The following EYA2 variants were observed in gnomAD, a reference collection of about 807,000 sequenced individuals.
The protein encoded by EYA2 is EYA transcriptional coactivator and phosphatase 2, also known as protein phosphatase EYA2.
A neutral mutation model predicts 69.2 loss-of-function variants in EYA2; 31 were observed. The observed-to-expected ratio is 0.45, with a 90% CI of 0.34 to 0.60. EYA2 has a LOEUF of 0.60. EYA2 is among the 20% of genes least tolerant of loss of function. The pLI, the probability that EYA2 is intolerant of heterozygous loss-of-function variation, is 0.02. For missense variants in EYA2, 622 were observed against 701.2 expected, an observed-to-expected ratio of 0.89 and a Z score of 1.28; for synonymous variants, 257 against 279.4, an observed-to-expected ratio of 0.92 and a Z score of 0.80.
intron 5 of EYA2, among the ~76,000 whole-genome samples, chr20:47,033,001 C>T (rs1429643499): frequency 6.6e-6 from 1 of 152,182 alleles, no homozygotes; most frequent in African/African-American, 2.4e-5. Context: ...CAGCAGGCCT[C>T]GCCAGGTCTC....
At chr20:47,057,608 T>C (rs2030696748) in intron 5 of EYA2, among the ~76,000 whole-genome samples, 1 of 152,094 alleles carries the variant, frequency 6.6e-6, no homozygotes, top group African/African-American at 2.4e-5. Flanking sequence ...TAAGACTTTA[T>C]TAAGATGGAG....
At chr20:47,055,602 G>A (rs140503227) in intron 5 of EYA2, among the ~76,000 whole-genome samples, 1 of 152,248 alleles carries the variant, frequency 6.6e-6, no homozygotes, top group African/African-American at 2.4e-5. Context: ...ATCCTCTCCT[G>A]AATTTCACTC....
chr20:46,993,882 G>A (rs552386645), intron 2 of EYA2, among the ~76,000 whole-genome samples: 26 of 152,318 alleles, frequency 1.7e-4, no homozygotes, highest in Admixed American at 5.9e-4. Flanking sequence ...AACAAGAGCC[G>A]TATGCACAGA....
intron 1 of EYA2, among the ~76,000 whole-genome samples, chr20:46,969,226 T>TTTTG (rs973225318): frequency 6.6e-6 from 1 of 151,698 alleles, no homozygotes; most frequent in Non-Finnish European, 1.5e-5. Flanking sequence ...TTGGTTTTTT[T>TTTTG]TTTGTTTGTT....
intron 5 of EYA2, among the ~76,000 whole-genome samples, chr20:47,018,651 A>G (rs745478345): frequency 6.6e-6 from 1 of 152,208 alleles, no homozygotes; most frequent in Non-Finnish European, 1.5e-5. Context: ...CGGCAGGAAA[A>G]GGCTCACAGT....
intron 1 of EYA2, among the ~76,000 whole-genome samples, chr20:46,936,174 A>C (rs187353856): frequency 6.6e-6 from 1 of 152,146 alleles, no homozygotes; most frequent in Non-Finnish European, 1.5e-5. Context: ...GATGACATTT[A>C]AAAAAAGCCT....
chr20:47,120,651 A>C (rs1489593479), intron 9 of EYA2, among the ~76,000 whole-genome samples: 1 of 152,158 alleles, frequency 6.6e-6, no homozygotes, highest in African/African-American at 2.4e-5. Context: ...CACTTCCTGG[A>C]ACAAGTCAGT....
chr20:46,960,884 A>G (rs1371334364), intron 1 of EYA2, among the ~76,000 whole-genome samples: 3 of 152,094 alleles, frequency 2.0e-5, no homozygotes, highest in Admixed American at 6.6e-5. Flanking sequence ...GCAGCAGCAC[A>G]TCAAAGAACG....
At chr20:47,076,029 T>C (rs2031500046) in intron 7 of EYA2, among the ~76,000 whole-genome samples, 1 of 152,228 alleles carries the variant, frequency 6.6e-6, no homozygotes, top group African/African-American at 2.4e-5. Context: ...TCAAAGGACA[T>C]GATCTTATTT....
At chr20:47,060,818 C>G (rs917071505) in intron 5 of EYA2, among the ~76,000 whole-genome samples, 1 of 151,684 alleles carries the variant, frequency 6.6e-6, no homozygotes, top group African/African-American at 2.4e-5. Flanking sequence ...GAAGGGTCCA[C>G]AGCTGCTCAT....
intron 9 of EYA2, among the ~76,000 whole-genome samples, chr20:47,121,974 G>A (rs1367637893): frequency 6.6e-6 from 1 of 152,158 alleles, no homozygotes; most frequent in East Asian, 1.9e-4. Context: ...GGCCACACCT[G>A]GCCCTTAAAC....
chr20:46,921,360 C>T (rs892313100), intron 1 of EYA2, among the ~76,000 whole-genome samples: 1 of 152,254 alleles, frequency 6.6e-6, no homozygotes, highest in Admixed American at 6.5e-5. Flanking sequence ...CATTTATTTT[C>T]CTCATGTCCA....
intron 10 of EYA2, among the ~76,000 whole-genome samples, chr20:47,149,872 T>C (rs1220227471): frequency 6.6e-6 from 1 of 151,878 alleles, no homozygotes; most frequent in Non-Finnish European, 1.5e-5. Flanking sequence ...AATAAATACA[T>C]ACATACACAC....
intron 5 of EYA2, among the ~76,000 whole-genome samples, chr20:47,043,850 T>C (rs1255356001): frequency 1.3e-5 from 2 of 152,192 alleles, no homozygotes; most frequent in African/African-American, 2.4e-5. Context: ...TCCCAATCAA[T>C]GTTGAGCAGT....
intron 9 of EYA2, among the ~76,000 whole-genome samples, chr20:47,106,946 G>A (rs753004162): frequency 1.1e-4 from 16 of 152,216 alleles, no homozygotes; most frequent in South Asian, 4.2e-4. Flanking sequence ...GGAGCGAACT[G>A]GAGTAGAAGG....
chr20:47,032,809 A>G (rs942606123), intron 5 of EYA2, among the ~76,000 whole-genome samples: 1 of 152,192 alleles, frequency 6.6e-6, no homozygotes, highest in African/African-American at 2.4e-5. Flanking sequence ...TGCTTTGGCT[A>G]TCATGGTTAG....
chr20:47,097,294 T>C lies in EYA2; in HGVS notation c.888+126T>C, dbSNP rs902914699. 2 of 683,804 alleles carry C rather than the reference T, an allele frequency of 2.9e-6. 1 individual carries two copies. Among genetic ancestry groups the C allele is most frequent in the South Asian group, 3.9e-5 (2 of 50,998 alleles). The allele number at this position is 683,804 out of a possible 1,614,324, so 42.4% of individuals were successfully genotyped here. A position where few individuals can be genotyped will look rare whatever the true frequency, so the allele number is the denominator to read the frequency against. On this transcript the variant is annotated intron_variant, in intron 9 of 15. Transcript: ENST00000327619. ...CTCCAACAAAAGCTGCCCTTTGGGGTCAGCCCAGGTTTAAAAATTCCTATG... is the reference window on the plus strand; with the variant it reads ...CTCCAACAAAAGCTGCCCTTTGGGGCCAGCCCAGGTTTAAAAATTCCTATG...
intron 4 of EYA2, among the ~76,000 whole-genome samples, chr20:47,015,968 C>A (rs1308058506): frequency 6.6e-6 from 1 of 152,186 alleles, no homozygotes; most frequent in Non-Finnish European, 1.5e-5. Flanking sequence ...TGACTTTTAA[C>A]AAAATCAACT....
intron 5 of EYA2, among the ~76,000 whole-genome samples, chr20:47,067,522 AC>A (rs1341885397): frequency 6.6e-6 from 1 of 152,168 alleles, no homozygotes; most frequent in African/African-American, 2.4e-5. Flanking sequence ...TGATCATTAC[AC>A]ATTGCATGTC....
Sources: gnomAD v4.1 joint callset for allele counts (sites outside exome capture counted in the v4.1 genomes callset) on GRCh38, gnomAD v4.1.1 for gene constraint, MANE v1.5 for transcripts, NCBI Gene and HGNC (gene_info 2026-07-23, HGNC 2026-07-21) for gene names.